Variants in FBXO33 observed in about 807,000 individuals in gnomAD.
FBXO33 encodes F-box only protein 33.
In FBXO33, 22 loss-of-function variants were observed where a neutral mutation model predicts 46.3. That is an observed-to-expected ratio of 0.48 (90% CI 0.34 to 0.68). The LOEUF (loss-of-function observed/expected upper bound fraction) is 0.68, where lower values mean the gene tolerates loss of function less well. Ranked by LOEUF, FBXO33 falls within the 30% of genes least tolerant of loss-of-function variation. The probability of loss-of-function intolerance (pLI) is 0.01; values close to 1 mark genes in which losing one functional copy is unlikely to be tolerated. For synonymous variants in FBXO33, 337 were observed against 291.3 expected, an observed-to-expected ratio of 1.16 and a Z score of -1.60; for missense variants, 692 against 708.8, an observed-to-expected ratio of 0.98 and a Z score of 0.27.
intron 1 of FBXO33, among the ~76,000 whole-genome samples, chr14:39,430,034 T>C (rs2075535229): frequency 2.0e-5 from 3 of 152,226 alleles, no homozygotes; most frequent in Non-Finnish European, 4.4e-5. Context: ...AAAAGTGCAA[T>C]TTGATCTCAG....
chr14:39,412,523 G>A (rs959116461), intron 1 of FBXO33, among the ~76,000 whole-genome samples: 49 of 152,082 alleles, frequency 3.2e-4, no homozygotes, highest in Non-Finnish European at 1.3e-4. Flanking sequence ...TTTTGGTGAT[G>A]GAATTTAATC....
At chr14:39,427,812 G>T (rs2075523378) in intron 1 of FBXO33, among the ~76,000 whole-genome samples, 1 of 152,090 alleles carries the variant, frequency 6.6e-6, no homozygotes, top group African/African-American at 2.4e-5. Flanking sequence ...GCCAGGCATG[G>T]TGGTGCATGC....
Position 39,431,692 on chromosome 14 carries a change from T to A in FBXO33, c.471A>T (p.Gly157=), listed in dbSNP as rs747066097. 162 of 1,613,048 alleles carry A rather than the reference T, an allele frequency of 1.0e-4. No individual in the cohort carries two copies. The highest frequency in any genetic ancestry group is 1.3e-4 in the Non-Finnish European group (152 of 1,179,956). Reference sequence around the variant, plus strand: ...CTCCAGTCCCGGTGTCCGCGCCACCTCCGTCCCCTGGGCCACCGCCGCTCA... The same window carrying A: ...CTCCAGTCCCGGTGTCCGCGCCACCACCGTCCCCTGGGCCACCGCCGCTCA... The part of the protein sequence containing the change: ...NYLSGGGPGD[G]GGADTGTGGE... Residue 157 remains glycine (G), a synonymous_variant, in exon 1 of 4, where the codon GGA becomes GGT. Transcript: ENST00000298097.
At chr14:39,417,891 C>T (rs561227172) in intron 1 of FBXO33, among the ~76,000 whole-genome samples, 53 of 152,190 alleles carry the variant, frequency 3.5e-4, no homozygotes, top group African/African-American at 1.1e-3. Flanking sequence ...ACTCTGTCAT[C>T]GTGCCCTCAT....
intron 1 of FBXO33, among the ~76,000 whole-genome samples, chr14:39,417,806 G>C (rs2075456437): frequency 6.6e-6 from 1 of 152,174 alleles, no homozygotes. Flanking sequence ...TGGGATTACA[G>C]GCGTGAGCCA....
At chr14:39,420,127 T>TA (rs1298991146) in intron 1 of FBXO33, among the ~76,000 whole-genome samples, 2 of 152,364 alleles carry the variant, frequency 1.3e-5, no homozygotes, top group African/African-American at 4.8e-5. Context: ...ATTTAATTAC[T>TA]AAAATATGTA....
chr14:39,431,520 C>A (rs1242718199), intron 1 of FBXO33, 44 bp downstream of exon 1: 2 of 1,603,368 alleles, frequency 1.2e-6, no homozygotes, highest in Non-Finnish European at 1.7e-6. Context: ...GGGGACGGAG[C>A]GACCCCCCGT....
chr14:39,423,784 G>A (rs547755642), intron 1 of FBXO33, among the ~76,000 whole-genome samples: 1 of 152,104 alleles, frequency 6.6e-6, no homozygotes, highest in African/African-American at 2.4e-5. Flanking sequence ...GAACTTCTAG[G>A]GCTCTAGTAA....
chr14:39,406,408 C>T (rs931145942), intron 1 of FBXO33, among the ~76,000 whole-genome samples: 6 of 152,158 alleles, frequency 3.9e-5, no homozygotes, highest in Admixed American at 6.5e-5. Context: ...CTAAGGACAA[C>T]GGCCTTCCCT....
rs916186477 is a variant in FBXO33 at position 39,430,002 on chromosome 14, T to C, written c.599+1562A>G. 7.2e-5 allele frequency among the ~76,000 whole-genome samples: 11 copies of C among 152,336 alleles called. No homozygotes were observed. In the South Asian group the frequency reaches 1.4e-3, roughly 20 times the overall value. Reference sequence around the variant, plus strand: ...TGTTCTTACTTGGGTCAAAGGCACATACAGTGTTTGCATGGTTGCATAAAA... The same window carrying C: ...TGTTCTTACTTGGGTCAAAGGCACACACAGTGTTTGCATGGTTGCATAAAA... On this transcript the variant is annotated intron_variant, in intron 1 of 3. Transcript: ENST00000298097.
chr14:39,428,499 G>A (rs1160592687), intron 1 of FBXO33, among the ~76,000 whole-genome samples: 3 of 151,852 alleles, frequency 2.0e-5, no homozygotes, highest in Non-Finnish European at 2.9e-5. Flanking sequence ...ACCACCCCTG[G>A]CCAACGATAT....
intron 3 of FBXO33, 92 bp downstream of exon 3, chr14:39,401,084 T>C (rs1258003525): frequency 8.7e-7 from 1 of 1,153,634 alleles, no homozygotes. Flanking sequence ...CAAGATTTCT[T>C]GATACTATAA....
intron 1 of FBXO33, among the ~76,000 whole-genome samples, chr14:39,426,718 T>A (rs187389665): frequency 6.6e-6 from 1 of 152,208 alleles, no homozygotes; most frequent in Non-Finnish European, 1.5e-5. Flanking sequence ...CTGTTTCTTG[T>A]GTGTGGAATG....
intron 1 of FBXO33, among the ~76,000 whole-genome samples, chr14:39,410,052 T>A (rs577819799): frequency 6.6e-6 from 1 of 152,338 alleles, no homozygotes; most frequent in African/African-American, 2.4e-5. Context: ...CGGCTAGAGC[T>A]TCCAATACTT....
chr14:39,412,217 T>C (rs989465310), intron 1 of FBXO33, among the ~76,000 whole-genome samples: 1 of 152,234 alleles, frequency 6.6e-6, no homozygotes, highest in South Asian at 2.1e-4. Flanking sequence ...ATGTTAATAT[T>C]TGCTTTACAT....
At chr14:39,425,805 C>T (rs568178590) in intron 1 of FBXO33, among the ~76,000 whole-genome samples, 4 of 152,176 alleles carry the variant, frequency 2.6e-5, no homozygotes, top group African/African-American at 9.6e-5. Context: ...ATTGAGCGCT[C>T]GAAATGTGGC....
rs1491426872 is a variant in FBXO33 at position 39,411,527 on chromosome 14, CT to C, written c.600-9017del. On this transcript the variant is annotated intron_variant, in intron 1 of 3. Coordinates refer to ENST00000298097, the MANE Select transcript of FBXO33 (RefSeq NM_203301.4). ...CAAGATATTATTTGACTTCCCCCCC[CT>C]TTTTTTTTCTTGAGACAAGAGTCTC... Among the ~76,000 whole-genome samples the C allele has an allele frequency of 2.0e-5, 3 of 149,286 alleles. No individual in the cohort carries two copies. The South Asian group carries it at 6.4e-4, about 32-fold the overall frequency.
chr14:39,401,365 T>C lies in FBXO33; in HGVS notation c.1207A>G (p.Ile403Val), dbSNP rs778980477. 5.6e-6 allele frequency: 9 copies of C among 1,614,174 alleles called. No individual in the cohort carries two copies. In the East Asian group the frequency reaches 2.0e-4, roughly 36 times the overall value. The stretch of plus-strand genomic sequence containing the variant: ...ACAATAGCCCCTGAAACACAAGTGA[T>C]ATAGCTATCAAAATGAATCCTCTCT... ...PLERIHFDSY[I>V]TCVSGAIVDL... is the part of the protein sequence containing the mutation. The change falls in exon 3 of 4, where the codon ATC becomes GTC. Residue 403 changes from isoleucine to valine, a missense_variant. By Grantham distance (29) the Ile-to-Val change is conservative. Around this residue, in one of 3 missense-constraint regions of FBXO33, gnomAD observed 186 missense variants for 246.1 expected, o/e 0.76. Transcript: ENST00000298097.
At chr14:39,430,836 G>A (rs548127309) in intron 1 of FBXO33, among the ~76,000 whole-genome samples, 1 of 152,270 alleles carries the variant, frequency 6.6e-6, no homozygotes, top group South Asian at 2.1e-4. Flanking sequence ...TTACAGTGAA[G>A]TCCTGATGCA....
Sources: gnomAD v4.1 joint callset for allele counts (sites outside exome capture counted in the v4.1 genomes callset) on GRCh38, gnomAD v4.1.1 for gene constraint, gnomAD v4.1.1 regional missense constraint, MANE v1.5 for transcripts, NCBI Gene and HGNC (gene_info 2026-07-23, HGNC 2026-07-21) for gene names.